SLC5A8: variants seen among roughly 807,000 people sequenced by gnomAD.
The protein encoded by SLC5A8 is sodium-coupled monocarboxylate transporter 1.
Under a neutral mutation model 71.9 loss-of-function variants are expected in SLC5A8, and 55 were observed. The ratio of observed to expected loss-of-function variants is 0.77; its 90% confidence interval spans 0.62 to 0.96. The LOEUF is 0.96. Among genes scored for constraint, SLC5A8 ranks in the 40% least tolerant of loss-of-function variants. The pLI, the probability that SLC5A8 is intolerant of heterozygous loss-of-function variation, is 0.00. For synonymous variants in SLC5A8, 307 were observed against 276.1 expected, an observed-to-expected ratio of 1.11 and a Z score of -1.11; for missense variants, 701 against 745.3, an observed-to-expected ratio of 0.94 and a Z score of 0.69.
chr12:101,170,926 T>G (rs2051823531), intron 10 of SLC5A8, among the ~76,000 whole-genome samples: 1 of 152,192 alleles, frequency 6.6e-6, no homozygotes, highest in Non-Finnish European at 1.5e-5. Context: ...GGGAAGCCTC[T>G]TCCCTTGAGT....
chr12:101,158,594 CTCTCTATATATATA>C (rs1325457874), intron 13 of SLC5A8, among the ~76,000 whole-genome samples: 36 of 21,300 alleles, frequency 1.7e-3, no homozygotes, highest in African/African-American at 5.0e-3. Context: ...CTCTCTCTCT[CTCTCTATATATATA>C]TATATATATA....
chr12:101,180,161 T>C, intron 9 of SLC5A8, 65 bp from the exon 10 acceptor site: 1 of 1,481,336 alleles, frequency 6.8e-7, no homozygotes, highest in Non-Finnish European at 9.4e-7. Flanking sequence ...CTCAATAGAA[T>C]AATCCACCAC....
intron 2 of SLC5A8, among the ~76,000 whole-genome samples, chr12:101,202,490 T>C: frequency 6.6e-6 from 1 of 152,120 alleles, no homozygotes; most frequent in Non-Finnish European, 1.5e-5. Context: ...GTGCAAATGG[T>C]CACTGATCCA....
chr12:101,174,989 T>TA (rs954493811), intron 10 of SLC5A8, among the ~76,000 whole-genome samples: 15 of 151,600 alleles, frequency 9.9e-5, no homozygotes, highest in Non-Finnish European at 1.5e-4. Context: ...AATTATTTGA[T>TA]AAAAAATTTA....
chr12:101,165,799 G>T (rs1439461252), intron 12 of SLC5A8, among the ~76,000 whole-genome samples: 2 of 152,182 alleles, frequency 1.3e-5, no homozygotes, highest in South Asian at 2.1e-4. Flanking sequence ...CAATACTCTA[G>T]GGGCAATGGC....
intron 10 of SLC5A8, among the ~76,000 whole-genome samples, chr12:101,179,080 G>T (rs2051908288): frequency 6.6e-6 from 1 of 151,972 alleles, no homozygotes; most frequent in African/African-American, 2.4e-5. Flanking sequence ...TAGCCATTAG[G>T]GAAATGCAAA....
chr12:101,209,136 G>T (rs971477209), intron 1 of SLC5A8, among the ~76,000 whole-genome samples: 3 of 152,134 alleles, frequency 2.0e-5, no homozygotes, highest in African/African-American at 7.2e-5. Context: ...GAGACCTGAA[G>T]AACTTACCTT....
chr12:101,157,074 T>C lies in SLC5A8; in HGVS notation c.*205A>G. The C allele has an allele frequency of 3.9e-6, 2 of 507,238 alleles. No homozygotes were observed. The highest frequency in any genetic ancestry group is 5.9e-5 in the East Asian group (2 of 33,838). 31.4% of individuals were successfully genotyped at this position (507,238 alleles called of 1,614,324 possible). On this transcript the variant is annotated 3_prime_UTR_variant, in exon 15 of 15. Coordinates refer to ENST00000536262, the MANE Select transcript of SLC5A8 (RefSeq NM_145913.5). ...GAAATAAAGGAAAGAGAGGGAAATG[T>C]CAATGCCAGAATTCTAAACTCCAGA...
intron 3 of SLC5A8, among the ~76,000 whole-genome samples, chr12:101,201,884 G>GCTCCCT (rs1869467976): frequency 4.6e-5 from 7 of 152,268 alleles, no homozygotes; most frequent in Non-Finnish European, 1.0e-4. Context: ...TGGCTACAGG[G>GCTCCCT]AGCTTTAATT....
At chr12:101,191,328 A>G (rs1868901028) in intron 5 of SLC5A8, among the ~76,000 whole-genome samples, 1 of 152,228 alleles carries the variant, frequency 6.6e-6, no homozygotes, top group Non-Finnish European at 1.5e-5. Flanking sequence ...TCTCTGATAT[A>G]CAATATGAGC....
At chr12:101,157,715 A>T (rs2051679508) in intron 14 of SLC5A8, among the ~76,000 whole-genome samples, 2 of 152,168 alleles carry the variant, frequency 1.3e-5, no homozygotes, top group Non-Finnish European at 2.9e-5. Context: ...ATATAGAGAG[A>T]TATACAACAG....
Position 101,210,028 on chromosome 12 carries a change from G to C in SLC5A8, c.-180C>G, listed in dbSNP as rs1396878141. The stretch of plus-strand genomic sequence containing the variant: ...CCCCGAGGCGGGGTGAGGGCTGGCA[G>C]TCGCCCCTGCACCCGCCGCTGCGAG... On this transcript the variant is annotated 5_prime_UTR_variant, in exon 1 of 15. Coordinates refer to ENST00000536262, the MANE Select transcript of SLC5A8 (RefSeq NM_145913.5). 2 of 549,972 alleles carry C rather than the reference G, an allele frequency of 3.6e-6. No individual in the cohort carries two copies. Among genetic ancestry groups the C allele is most frequent in the Non-Finnish European group, 6.1e-6 (2 of 326,450 alleles). The allele number at this position is 549,972 out of a possible 1,614,324, so 34.1% of individuals were successfully genotyped here.
chr12:101,200,555 T>TGAAA (rs781135771), intron 3 of SLC5A8, among the ~76,000 whole-genome samples: 3 of 151,656 alleles, frequency 2.0e-5, no homozygotes, highest in Non-Finnish European at 4.4e-5. Context: ...TTATAAACAC[T>TGAAA]GAAAAAAAAT....
intron 11 of SLC5A8, 58 bp downstream of exon 11, chr12:101,168,038 A>C: frequency 9.6e-6 from 14 of 1,459,670 alleles, no homozygotes; most frequent in East Asian, 2.4e-5. Context: ...AAAAAAGTGT[A>C]GAGCTGCTAG....
chr12:101,157,732 G>A (rs767826917), intron 14 of SLC5A8, among the ~76,000 whole-genome samples: 1 of 151,902 alleles, frequency 6.6e-6, no homozygotes, highest in African/African-American at 2.4e-5. Flanking sequence ...ACAGATACAG[G>A]TTATCAGAGG....
At chr12:101,170,964 A>G (rs2051824180) in intron 10 of SLC5A8, among the ~76,000 whole-genome samples, 1 of 152,122 alleles carries the variant, frequency 6.6e-6, no homozygotes, top group Non-Finnish European at 1.5e-5. Flanking sequence ...TGAGTCTTGT[A>G]CACCGTCTGA....
intron 3 of SLC5A8, among the ~76,000 whole-genome samples, chr12:101,201,561 A>G (rs935724802): frequency 1.3e-5 from 2 of 152,174 alleles, no homozygotes; most frequent in Non-Finnish European, 2.9e-5. Context: ...GCTTCAATAA[A>G]CTATCCCAGC....
intron 9 of SLC5A8, among the ~76,000 whole-genome samples, chr12:101,182,179 T>G (rs1284245836): frequency 6.6e-6 from 1 of 152,224 alleles, no homozygotes; most frequent in African/African-American, 2.4e-5. Flanking sequence ...TGAGAATTTC[T>G]TGCACAAATT....
At position 101,193,760 on chromosome 12, in the gene SLC5A8, A is replaced by G; in HGVS notation, c.557T>C (p.Ile186Thr). Residue 186 changes from isoleucine (I) to threonine (T), a missense_variant, in exon 5 of 15, where the codon ATC becomes ACC. Coordinates refer to ENST00000536262, the MANE Select transcript of SLC5A8 (RefSeq NM_145913.5). ...YCTLGGLKAV[I>T]WTDVFQVGIM... The stretch of plus-strand genomic sequence containing the variant: ...CCCAACTTGAAAAACATCTGTCCAG[A>G]TAACTGCTTTAAGACCACCCTTTGA... 2 of 1,614,108 alleles carry G rather than the reference A, an allele frequency of 1.2e-6. No individual in the cohort carries two copies. The highest frequency in any genetic ancestry group is 1.7e-6 in the Non-Finnish European group (2 of 1,180,002).
Sources: gnomAD v4.1 joint callset for allele counts (sites outside exome capture counted in the v4.1 genomes callset) on GRCh38, gnomAD v4.1.1 for gene constraint, MANE v1.5 for transcripts, NCBI Gene and HGNC (gene_info 2026-07-23, HGNC 2026-07-21) for gene names.